Variants in CORO2B observed in about 807,000 individuals in gnomAD.
CORO2B encodes coronin-2B.
In CORO2B, 26 loss-of-function variants were observed where a neutral mutation model predicts 58.8. The ratio of observed to expected loss-of-function variants is 0.44; its 90% CI spans 0.32 to 0.61. The LOEUF (loss-of-function observed/expected upper bound fraction) is 0.61, where lower values mean the gene tolerates loss of function less well. CORO2B is among the 20% of genes least tolerant of loss of function. The pLI is 0.04. For missense variants in CORO2B, 460 were observed against 645.1 expected (o/e 0.71, Z 3.11); for synonymous variants, 242 against 253.8 (o/e 0.95, Z 0.44).
chr15:68,624,316 G>C lies in CORO2B; in HGVS notation c.16-20844G>C, dbSNP rs575617193. On this transcript the variant is annotated intron_variant, in intron 1 of 11. Transcript: ENST00000261861. ...ATCCCTTGTGCCCAGGGAGTTTGAG[G>C]CTGCAGTAAGCTATGATCACCACTG... Among the ~76,000 whole-genome samples, 87 of 152,254 alleles carry C rather than the reference G, an allele frequency of 5.7e-4. 1 individual carries two copies. The highest frequency in any genetic ancestry group is 1.1e-3 in the Non-Finnish European group (75 of 68,020).
At chr15:68,581,907 G>A (rs1899436719) in intron 1 of CORO2B, among the ~76,000 whole-genome samples, 1 of 152,104 alleles carries the variant, frequency 6.6e-6, no homozygotes, top group African/African-American at 2.4e-5. Flanking sequence ...CCTGCCCCTT[G>A]GACGAATGCC....
At chr15:68,588,517 C>T (rs761450281) in intron 1 of CORO2B, among the ~76,000 whole-genome samples, 1 of 152,092 alleles carries the variant, frequency 6.6e-6, no homozygotes, top group African/African-American at 2.4e-5. Flanking sequence ...CTGTGGAAGG[C>T]GAGGGAAGGT....
At chr15:68,529,275 A>G in the CORO2B span, among the ~76,000 whole-genome samples, 1 of 152,164 alleles carries the variant, frequency 6.6e-6, no homozygotes, top group Non-Finnish European at 1.5e-5. Flanking sequence ...TTTGCTCTCT[A>G]TATCCTTATC....
rs1280646356 is a variant in CORO2B, at chr15:68,645,389, G to GCAGCTC, written c.216+33_216+38dup. The GCAGCTC allele has an allele frequency of 6.2e-7, 1 of 1,602,616 alleles. No individual in the cohort carries two copies. Reference sequence around the variant, plus strand: ...GGTGGCCCCTACCTTCACTCCAGCTGCAGCTCCAGGGCAGAGAGGAGCCCT... The same window carrying GCAGCTC: ...GGTGGCCCCTACCTTCACTCCAGCTGCAGCTCCAGCTCCAGGGCAGAGAGGAGCCCT... On this transcript the variant is annotated intron_variant, in intron 2 of 11. Coordinates refer to ENST00000261861, the MANE Select transcript of CORO2B (RefSeq NM_006091.5). The surrounding 1 kb of genome is among the most constrained non-coding windows in gnomAD (Gnocchi z 4.5).
At chr15:68,556,585 A>G in the CORO2B span, among the ~76,000 whole-genome samples, 1 of 152,364 alleles carries the variant, frequency 6.6e-6, no homozygotes, top group African/African-American at 2.4e-5. Flanking sequence ...GCAGAGCACA[A>G]GGGCTTGGTG....
chr15:68,630,482 C>G (rs1057479139), intron 1 of CORO2B, among the ~76,000 whole-genome samples: 1 of 151,898 alleles, frequency 6.6e-6, no homozygotes, highest in Non-Finnish European at 1.5e-5. Context: ...TCTGTGGTCT[C>G]TGGGCCTCCT....
chr15:68,686,659 G>C (rs2140306693), intron 2 of CORO2B, among the ~76,000 whole-genome samples: 2 of 152,284 alleles, frequency 1.3e-5, no homozygotes, highest in East Asian at 3.9e-4. Flanking sequence ...AGCACTTTGG[G>C]AGGTTGAGGC....
intron 11 of CORO2B, among the ~76,000 whole-genome samples, chr15:68,722,831 G>C (rs941485417): frequency 6.6e-6 from 1 of 152,188 alleles, no homozygotes; most frequent in East Asian, 1.9e-4. Flanking sequence ...ACTTTGGGAG[G>C]CTGAGGCGGG....
intron 1 of CORO2B, among the ~76,000 whole-genome samples, chr15:68,614,148 A>G (rs1027527695): frequency 2.6e-5 from 4 of 152,194 alleles, no homozygotes; most frequent in African/African-American, 9.7e-5. Context: ...CCTAGAATAT[A>G]TGTCTCTGTG....
chr15:68,618,278 T>A (rs1035809861), intron 1 of CORO2B, among the ~76,000 whole-genome samples: 5 of 152,224 alleles, frequency 3.3e-5, no homozygotes, highest in Non-Finnish European at 5.9e-5. Flanking sequence ...CATAACCTAC[T>A]AGTAGGAGGT....
At chr15:68,576,173 A>AAAAAAAAAAAGAAAG (rs1555409381), upstream of CORO2B, among the ~76,000 whole-genome samples, 4 of 103,900 alleles carry the variant, frequency 3.8e-5, no homozygotes, top group African/African-American at 4.3e-5. Flanking sequence ...AAAAAAAAAA[A>AAAAAAAAAAAGAAAG]AAAGAAAGAA....
At chr15:68,599,961 C>A (rs147325494) in intron 1 of CORO2B, among the ~76,000 whole-genome samples, 2 of 152,170 alleles carry the variant, frequency 1.3e-5, no homozygotes, top group African/African-American at 4.8e-5. Context: ...CCCCTCCCAC[C>A]CCTTGGTGTG....
intron 8 of CORO2B, among the ~76,000 whole-genome samples, chr15:68,715,863 A>G (rs1596036443): frequency 6.6e-6 from 1 of 152,202 alleles, no homozygotes; most frequent in South Asian, 2.1e-4. Context: ...AAGTCTTACA[A>G]CCAATTTTCC....
chr15:68,715,056 G>T (rs1893001046), intron 7 of CORO2B, among the ~76,000 whole-genome samples, 159 bp from the exon 8 acceptor site: 1 of 152,088 alleles, frequency 6.6e-6, no homozygotes, highest in Non-Finnish European at 1.5e-5. Context: ...TGAGTCCCCT[G>T]TGGTGCACCC....
chr15:68,659,063 C>T (rs796720263), intron 2 of CORO2B, among the ~76,000 whole-genome samples: 7 of 152,360 alleles, frequency 4.6e-5, no homozygotes, highest in African/African-American at 1.7e-4. Context: ...GCAAAACCTT[C>T]ATGCAGTTGG....
At chr15:68,640,457 G>A (rs1425315319) in intron 1 of CORO2B, among the ~76,000 whole-genome samples, 1 of 151,564 alleles carries the variant, frequency 6.6e-6, no homozygotes, top group Non-Finnish European at 1.5e-5. Flanking sequence ...TCATTGGAAT[G>A]TTTTATAAGA....
At chr15:68,702,951 C>G (rs1230136816) in intron 3 of CORO2B, among the ~76,000 whole-genome samples, 1 of 150,852 alleles carries the variant, frequency 6.6e-6, no homozygotes, top group Non-Finnish European at 1.5e-5. Context: ...CTCAGCCTCC[C>G]AAGTAGCTGG....
chr15:68,603,718 G>A (rs4078458), intron 1 of CORO2B, among the ~76,000 whole-genome samples: 33,756 of 152,088 alleles, frequency 0.22, 6,202 homozygotes, highest in African/African-American at 0.51. Context: ...GAAGACGGCC[G>A]TCTGCAAACC....
At position 68,626,077 on chromosome 15, in the gene CORO2B, G is replaced by A. The variant is rs143216086; in HGVS notation, c.16-19083G>A. Among the ~76,000 whole-genome samples the A allele has an allele frequency of 1.1e-3, 163 of 152,292 alleles. 1 individual carries two copies. Among genetic ancestry groups the A allele is most frequent in the African/African-American group, 3.6e-3 (148 of 41,558 alleles). On this transcript the variant is annotated intron_variant, in intron 1 of 11. Transcript: ENST00000261861. The stretch of plus-strand genomic sequence containing the variant: ...TGCTGTCTAGCAAGAAATGCAATTT[G>A]TTTGATTCATATGTAAATCTTTCTG...
Sources: allele counts gnomAD v4.1 joint callset (sites outside exome capture counted in the v4.1 genomes callset), GRCh38; gene constraint gnomAD v4.1.1; non-coding constraint Gnocchi (gnomAD v3.1); transcripts MANE v1.5; gene names NCBI Gene and HGNC (gene_info 2026-07-23, HGNC 2026-07-21).